PDGFC: variants seen among roughly 807,000 people sequenced by gnomAD.
PDGFC encodes platelet-derived growth factor C.
PDGFC carries 12 observed loss-of-function variants against 35.5 expected under a neutral mutation model. That is an observed-to-expected ratio of 0.34 (90% CI 0.22 to 0.55). The LOEUF is 0.55. PDGFC is among the 20% of genes least tolerant of loss of function. The pLI, the probability that PDGFC is intolerant of heterozygous loss-of-function variation, is 0.91. For missense variants in PDGFC, 322 were observed against 412.4 expected (o/e 0.78, Z 1.90); for synonymous variants, 159 against 148.8 (o/e 1.07, Z -0.50).
rs542605447 is a variant in PDGFC, at chr4:156,941,894, C to G, written c.118+28892G>C. ...TAATAAAGTAAAAATTGAACAGGAA[C>G]AGAGGTGGCTTAGAAAAAAAATAAA... On this transcript the variant is annotated intron_variant, in intron 1 of 5. Coordinates refer to ENST00000502773, the MANE Select transcript of PDGFC (RefSeq NM_016205.3). Among the ~76,000 whole-genome samples, 4 of 152,048 alleles carry G rather than the reference C, an allele frequency of 2.6e-5. No homozygotes were observed. The East Asian group carries it at 7.7e-4, about 29-fold the overall frequency.
rs142239397 is a variant in PDGFC, at chr4:156,813,129, C to A, written c.315-2112G>T. Among the ~76,000 whole-genome samples the A allele has an allele frequency of 4.7e-3, 715 of 152,036 alleles. 2 individuals carry two copies. The highest frequency in any genetic ancestry group is 0.017 in the African/African-American group (686 of 41,494). Reference sequence around the variant, plus strand: ...GCAGACCTAAGTAGATATTTCAGATCTATTTGGCAGAAACGTTGATAATCA... The same window carrying A: ...GCAGACCTAAGTAGATATTTCAGATATATTTGGCAGAAACGTTGATAATCA... On this transcript the variant is annotated intron_variant, in intron 2 of 5. Coordinates refer to ENST00000502773, the MANE Select transcript of PDGFC (RefSeq NM_016205.3).
Position 156,762,344 on chromosome 4 carries a change from GT to G in PDGFC, c.*745del, listed in dbSNP as rs1730399348. The G allele has an allele frequency of 6.6e-6, 1 of 152,542 alleles. No individual in the cohort carries two copies. The allele number at this position is 152,542 out of a possible 1,614,324, so 9.4% of individuals were successfully genotyped here. ...TTTAACAAGATTAGAAAAGCCAACA[GT>G]TATAATGTCAAAAGGAGAATATAAA... On this transcript the variant is annotated 3_prime_UTR_variant, in exon 6 of 6. Coordinates refer to ENST00000502773, the MANE Select transcript of PDGFC (RefSeq NM_016205.3).
At position 156,822,194 on chromosome 4, in the gene PDGFC, C is replaced by A. The variant is rs143202053; in HGVS notation, c.315-11177G>T. On this transcript the variant is annotated intron_variant, in intron 2 of 5. Coordinates refer to ENST00000502773, the MANE Select transcript of PDGFC (RefSeq NM_016205.3). ...CTAACACGGTGAAACCCCATCTCTACTAAAATTACAAAAAATTAGCCGGGC... is the reference window on the plus strand; with the variant it reads ...CTAACACGGTGAAACCCCATCTCTAATAAAATTACAAAAAATTAGCCGGGC... 9.4e-3 allele frequency among the ~76,000 whole-genome samples: 1,425 copies of A among 151,846 alleles called. 20 individuals carry two copies. Among genetic ancestry groups the A allele is most frequent in the African/African-American group, 0.031 (1,297 of 41,384 alleles).
At chr4:156,877,642 G>A (rs1216651610) in intron 1 of PDGFC, among the ~76,000 whole-genome samples, 1 of 150,986 alleles carries the variant, frequency 6.6e-6, no homozygotes, top group African/African-American at 2.5e-5. Flanking sequence ...TTCTAGGAAT[G>A]TGCAATCAGG....
chr4:156,804,012 G>A (rs1006117447), intron 3 of PDGFC, among the ~76,000 whole-genome samples: 1 of 151,884 alleles, frequency 6.6e-6, no homozygotes, highest in Admixed American at 6.6e-5. Context: ...TGGAAGAGTT[G>A]GTACAATAAA....
At chr4:156,918,405 C>T (rs1016200674) in intron 1 of PDGFC, among the ~76,000 whole-genome samples, 1 of 152,074 alleles carries the variant, frequency 6.6e-6, no homozygotes. Flanking sequence ...AAAGGTGAAA[C>T]GGGGAATTAG....
intron 1 of PDGFC, among the ~76,000 whole-genome samples, chr4:156,969,725 C>A (rs977128448): frequency 6.6e-6 from 1 of 152,102 alleles, no homozygotes; most frequent in African/African-American, 2.4e-5. Flanking sequence ...GTGACAGAAT[C>A]CTTGCATTCT....
intron 2 of PDGFC, among the ~76,000 whole-genome samples, chr4:156,826,760 C>G (rs928922569): frequency 2.6e-5 from 4 of 152,106 alleles, no homozygotes; most frequent in African/African-American, 9.7e-5. Flanking sequence ...CAAAGCAATA[C>G]CATGACTTCA....
intron 1 of PDGFC, among the ~76,000 whole-genome samples, chr4:156,929,600 T>A (rs1382682874): frequency 6.6e-6 from 1 of 152,200 alleles, no homozygotes; most frequent in Non-Finnish European, 1.5e-5. Context: ...AAAAGAGTTA[T>A]CCAAAGAGAC....
intron 1 of PDGFC, among the ~76,000 whole-genome samples, chr4:156,929,479 AAT>A (rs1408592968): frequency 2.0e-5 from 3 of 150,912 alleles, no homozygotes; most frequent in African/African-American, 7.3e-5. Flanking sequence ...AAAAAAGGCC[AAT>A]AAAAAAAACA....
intron 3 of PDGFC, chr4:156,778,160 G>A (rs1730876495): frequency 3.1e-6 from 1 of 326,868 alleles, no homozygotes; most frequent in African/African-American, 2.2e-5. Context: ...GTAAAAACCT[G>A]TGAGGTGAGC....
chr4:156,768,031 T>G (rs1439250785), intron 4 of PDGFC, 41 bp from the exon 5 acceptor site: 1 of 1,167,970 alleles, frequency 8.6e-7, no homozygotes. Flanking sequence ...TAGATGTTGA[T>G]GCTTTGAGCC....
At chr4:156,925,203 T>A (rs1458760435) in intron 1 of PDGFC, among the ~76,000 whole-genome samples, 1 of 152,100 alleles carries the variant, frequency 6.6e-6, no homozygotes, top group Non-Finnish European at 1.5e-5. Flanking sequence ...TAGTATATAA[T>A]CTTGTCAGTA....
intron 1 of PDGFC, among the ~76,000 whole-genome samples, chr4:156,944,076 T>G (rs1370134654): frequency 6.6e-6 from 1 of 152,118 alleles, no homozygotes; most frequent in African/African-American, 2.4e-5. Context: ...TCTAACAAAT[T>G]AAAGTGGCTA....
chr4:156,942,879 T>G (rs905795771), intron 1 of PDGFC, among the ~76,000 whole-genome samples: 2 of 151,984 alleles, frequency 1.3e-5, no homozygotes, highest in Non-Finnish European at 2.9e-5. Flanking sequence ...TAAGGAATTC[T>G]GAGATTTCTG....
chr4:156,962,966 C>A (rs1016301259), intron 1 of PDGFC, among the ~76,000 whole-genome samples: 5 of 152,154 alleles, frequency 3.3e-5, no homozygotes, highest in Non-Finnish European at 4.4e-5. Flanking sequence ...TCCTTCCTGG[C>A]AGATCATGCT....
chr4:156,782,617 G>C (rs1328172685), intron 3 of PDGFC, among the ~76,000 whole-genome samples: 2 of 152,082 alleles, frequency 1.3e-5, no homozygotes, highest in Non-Finnish European at 2.9e-5. Context: ...AGCATAAACA[G>C]TTATATGTTC....
At chr4:156,847,336 C>T (rs1041699217) in intron 2 of PDGFC, among the ~76,000 whole-genome samples, 4 of 151,732 alleles carry the variant, frequency 2.6e-5, no homozygotes. Context: ...GGCATATCAC[C>T]TATTTGGAAT....
intron 3 of PDGFC, 137 bp from the exon 4 acceptor site, chr4:156,773,030 C>A: frequency 1.6e-6 from 1 of 620,476 alleles, no homozygotes; most frequent in Non-Finnish European, 2.9e-6. Context: ...TTAGAAATAA[C>A]TACTCTGCAA....
Sources: allele counts gnomAD v4.1 joint callset (sites outside exome capture counted in the v4.1 genomes callset), GRCh38; gene constraint gnomAD v4.1.1; transcripts MANE v1.5; gene names NCBI Gene and HGNC (gene_info 2026-07-23, HGNC 2026-07-21).